The following PHACTR3 variants were observed in gnomAD, a reference collection of about 807,000 sequenced individuals.
The protein encoded by PHACTR3 is phosphatase and actin regulator 3.
A neutral mutation model predicts 66.8 loss-of-function variants in PHACTR3; 16 were observed. That is an observed-to-expected ratio of 0.24 (90% confidence interval 0.16 to 0.36). The LOEUF (loss-of-function observed/expected upper bound fraction) is 0.36, where lower values mean the gene tolerates loss of function less well. Ranked by LOEUF, PHACTR3 falls within the 10% of genes least tolerant of loss-of-function variation. PHACTR3 has a pLI of 1.00. For missense variants in PHACTR3, 647 were observed against 719.9 expected (o/e 0.90, Z 1.16); for synonymous variants, 323 against 292.1 (o/e 1.11, Z -1.08).
At chr20:59,745,566 G>A (rs1400300073) in intron 2 of PHACTR3, among the ~76,000 whole-genome samples, 1 of 152,244 alleles carries the variant, frequency 6.6e-6, no homozygotes, top group African/African-American at 2.4e-5. Flanking sequence ...AAAGCAGGGG[G>A]TGTTATTTGT....
rs1396601721 is a variant in PHACTR3 at position 59,820,054 on chromosome 20, T to G, written c.1328+13860T>G. Among the ~76,000 whole-genome samples, 1 of 152,200 alleles carries G rather than the reference T, an allele frequency of 6.6e-6. No individual in the cohort carries two copies. The highest frequency in any genetic ancestry group is 2.4e-5 in the African/African-American group (1 of 41,452). Reference sequence around the variant, plus strand: ...GACCGTTGCTGGGGCTTCCGGTCTCTCTTTGTTTAGAAATCTCAGGGCAAG... The same window carrying G: ...GACCGTTGCTGGGGCTTCCGGTCTCGCTTTGTTTAGAAATCTCAGGGCAAG... On this transcript the variant is annotated intron_variant, in intron 8 of 12. Coordinates refer to ENST00000371015, the MANE Select transcript of PHACTR3 (RefSeq NM_080672.5). The surrounding 1 kb of genome is among the most constrained non-coding windows in gnomAD (Gnocchi z 4.6).
intron 9 of PHACTR3, among the ~76,000 whole-genome samples, chr20:59,840,086 A>T (rs948275189): frequency 6.6e-6 from 1 of 152,170 alleles, no homozygotes; most frequent in Non-Finnish European, 1.5e-5. Context: ...TTCCTTAAAC[A>T]AACAGCAGCC....
chr20:59,736,048 C>T lies in PHACTR3; in HGVS notation c.119-7059C>T, dbSNP rs1434849363. On this transcript the variant is annotated intron_variant, in intron 1 of 12. Coordinates refer to ENST00000371015, the MANE Select transcript of PHACTR3 (RefSeq NM_080672.5). This position sits in a 1 kb window ranked among gnomAD's most constrained non-coding sequence, Gnocchi z 4.6. ...CCAGCTACTGTGAGCCTGAGAGAGGCCTGGGAGAGGGCTGGCTGGAGTTGC... is the reference window on the plus strand; with the variant it reads ...CCAGCTACTGTGAGCCTGAGAGAGGTCTGGGAGAGGGCTGGCTGGAGTTGC... 2.6e-5 allele frequency among the ~76,000 whole-genome samples: 4 copies of T among 151,988 alleles called. No individual in the cohort carries two copies. The highest frequency in any genetic ancestry group is 5.9e-5 in the Non-Finnish European group (4 of 67,990).
intron 8 of PHACTR3, among the ~76,000 whole-genome samples, chr20:59,816,135 G>A (rs1464913867): frequency 1.3e-5 from 2 of 152,004 alleles, no homozygotes; most frequent in African/African-American, 2.4e-5. Flanking sequence ...CCATCTGGAG[G>A]TGATGGGAAA....
chr20:59,670,609 G>GGGC (rs2036160748), intron 1 of PHACTR3, among the ~76,000 whole-genome samples: 3 of 136,828 alleles, frequency 2.2e-5, no homozygotes, highest in East Asian at 4.8e-4. Flanking sequence ...CGGGGGTGGG[G>GGGC]GGGGGGGGCA....
At chr20:59,722,046 C>T (rs921737472) in intron 1 of PHACTR3, among the ~76,000 whole-genome samples, 1 of 152,008 alleles carries the variant, frequency 6.6e-6, no homozygotes, top group Non-Finnish European at 1.5e-5. Flanking sequence ...CTGGCTAACA[C>T]AGTGAAACCC....
In PHACTR3 at chr20:59,847,255, T is replaced by TCACA; in HGVS notation, c.*132_*135dup. On this transcript the variant is annotated 3_prime_UTR_variant, in exon 13 of 13. Coordinates refer to ENST00000371015, the MANE Select transcript of PHACTR3 (RefSeq NM_080672.5). ...TGCTGTGTTTGTGAGAAGAGTAGGA[T>TCACA]CACACACACAGGTGCAATCTTGACC... 1 of 649,994 alleles carries TCACA rather than the reference T, an allele frequency of 1.5e-6. No homozygotes were observed. Among genetic ancestry groups the TCACA allele is most frequent in the Non-Finnish European group, 2.7e-6 (1 of 370,374 alleles). The allele number at this position is 649,994 out of a possible 1,614,324, so 40.3% of individuals were successfully genotyped here.
chr20:59,680,502 G>C (rs987907326), intron 1 of PHACTR3, among the ~76,000 whole-genome samples: 1 of 152,124 alleles, frequency 6.6e-6, no homozygotes, highest in East Asian at 1.9e-4. Context: ...TGCAGTTTAC[G>C]CAGCATTTTC....
chr20:59,598,288 G>C (rs1304148406), intron 1 of PHACTR3, among the ~76,000 whole-genome samples: 1 of 152,244 alleles, frequency 6.6e-6, no homozygotes, highest in East Asian at 1.9e-4. Flanking sequence ...CTCTCTCAAG[G>C]AACTTTTTGT....
At chr20:59,786,353 T>A (rs369784166) in intron 7 of PHACTR3, among the ~76,000 whole-genome samples, 98 of 152,346 alleles carry the variant, frequency 6.4e-4, no homozygotes, top group African/African-American at 2.3e-3. Flanking sequence ...GAGAATTACT[T>A]TGAGAACCTG....
intron 7 of PHACTR3, among the ~76,000 whole-genome samples, chr20:59,775,637 A>G (rs2040512139): frequency 6.6e-6 from 1 of 152,130 alleles, no homozygotes; most frequent in African/African-American, 2.4e-5. Flanking sequence ...GCCACCGCGG[A>G]ACCAGTGTCT....
At chr20:59,673,204 T>C (rs1369837425) in intron 1 of PHACTR3, among the ~76,000 whole-genome samples, 1 of 152,116 alleles carries the variant, frequency 6.6e-6, no homozygotes, top group African/African-American at 2.4e-5. Flanking sequence ...ATGGCAGGAG[T>C]GACCCCAGAC....
At chr20:59,733,160 A>C (rs6027064) in intron 1 of PHACTR3, among the ~76,000 whole-genome samples, 4,076 of 151,696 alleles carry the variant, frequency 0.027, 201 homozygotes, top group African/African-American at 0.094. Context: ...TGTGACTATA[A>C]GACACTTGTC....
At chr20:59,803,167 T>A (rs2041467315) in intron 7 of PHACTR3, among the ~76,000 whole-genome samples, 1 of 152,204 alleles carries the variant, frequency 6.6e-6, no homozygotes, top group Admixed American at 6.5e-5. Context: ...AAATGCAGAC[T>A]GTCACATGTC....
In PHACTR3 at chr20:59,755,297, G is replaced by A; in HGVS notation, c.474G>A (p.Leu158=). ...AAGATGCCCAGCCCGGAAGCCCCTTGGCCACTGGGACGGACCAGGTCTCCC... is the reference window on the plus strand; with the variant it reads ...AAGATGCCCAGCCCGGAAGCCCCTTAGCCACTGGGACGGACCAGGTCTCCC... ...TSEDAQPGSP[L]ATGTDQVSLD... Residue 158 remains leucine (L), a synonymous_variant, in exon 4 of 13, where the codon TTG becomes TTA. Transcript: ENST00000371015. 1.9e-6 allele frequency: 3 copies of A among 1,613,366 alleles called. No homozygotes were observed. In the South Asian group the frequency reaches 3.3e-5, roughly 18 times the overall value.
At chr20:59,781,126 G>A (rs973811392) in intron 7 of PHACTR3, among the ~76,000 whole-genome samples, 1 of 152,250 alleles carries the variant, frequency 6.6e-6, no homozygotes, top group Non-Finnish European at 1.5e-5. Context: ...ATCAGTGAGA[G>A]TGTTGATGTC....
chr20:59,657,936 T>G (rs1416923341), intron 1 of PHACTR3, among the ~76,000 whole-genome samples: 4 of 152,170 alleles, frequency 2.6e-5, no homozygotes, highest in Non-Finnish European at 5.9e-5. Context: ...GTACTCCCAT[T>G]ATACATATGT....
chr20:59,645,987 C>G (rs1012589739), intron 1 of PHACTR3, among the ~76,000 whole-genome samples: 2 of 152,190 alleles, frequency 1.3e-5, no homozygotes, highest in Admixed American at 6.5e-5. Context: ...CCCCTGGCCC[C>G]GTTCTGCCTG....
At chr20:59,641,382 C>A (rs889231503) in intron 1 of PHACTR3, among the ~76,000 whole-genome samples, 1 of 152,082 alleles carries the variant, frequency 6.6e-6, no homozygotes, top group African/African-American at 2.4e-5. Flanking sequence ...CCTGAGAGAG[C>A]CAATGGTGTA....
Sources: gnomAD v4.1 joint callset for allele counts (sites outside exome capture counted in the v4.1 genomes callset) on GRCh38, gnomAD v4.1.1 for gene constraint, Gnocchi (gnomAD v3.1) non-coding constraint, MANE v1.5 for transcripts, NCBI Gene and HGNC (gene_info 2026-07-23, HGNC 2026-07-21) for gene names.